SLC13A3: variants seen among roughly 807,000 people sequenced by gnomAD.
SLC13A3 encodes the protein solute carrier family 13 member 3.
Under a neutral mutation model 59.0 loss-of-function variants are expected in SLC13A3, and 40 were observed. That is an observed-to-expected ratio of 0.68 (90% CI 0.53 to 0.88). SLC13A3 has a LOEUF of 0.88. SLC13A3 is among the 40% of genes least tolerant of loss of function. The probability of loss-of-function intolerance (pLI) is 0.00; values close to 1 mark genes in which losing one functional copy is unlikely to be tolerated. For synonymous variants in SLC13A3, 317 were observed against 330.3 expected, an observed-to-expected ratio of 0.96 and a Z score of 0.44; for missense variants, 699 against 783.2, an observed-to-expected ratio of 0.89 and a Z score of 1.28.
At chr20:46,577,456 T>C (rs1299040400) in intron 9 of SLC13A3, among the ~76,000 whole-genome samples, 8 of 152,170 alleles carry the variant, frequency 5.3e-5, no homozygotes, top group Non-Finnish European at 8.8e-5. Context: ...GATGATAAAA[T>C]GTCGTTTCAT....
intron 1 of SLC13A3, among the ~76,000 whole-genome samples, chr20:46,678,419 C>T (rs1399987981): frequency 2.0e-5 from 3 of 152,154 alleles, no homozygotes; most frequent in African/African-American, 7.2e-5. Context: ...GCTTTGGAGA[C>T]GTTTACCTGT....
At chr20:46,623,885 T>C (rs1400416626) in intron 1 of SLC13A3, among the ~76,000 whole-genome samples, 3 of 152,218 alleles carry the variant, frequency 2.0e-5, no homozygotes, top group African/African-American at 7.2e-5. Flanking sequence ...AACTTGCCCA[T>C]AGCTGCTGAG....
chr20:46,679,701 C>T (rs551830972), intron 1 of SLC13A3, among the ~76,000 whole-genome samples: 157 of 151,988 alleles, frequency 1.0e-3, no homozygotes, highest in Middle Eastern at 3.4e-3. Context: ...TGAGGCGGGA[C>T]TTTGAGACCA....
chr20:46,648,936 C>T (rs1049809065), intron 1 of SLC13A3, among the ~76,000 whole-genome samples: 28 of 147,162 alleles, frequency 1.9e-4, no homozygotes, highest in East Asian at 7.8e-4. Flanking sequence ...CACACACACA[C>T]ACACATACAC....
At chr20:46,646,791 A>G (rs2062898663) in intron 1 of SLC13A3, among the ~76,000 whole-genome samples, 1 of 152,260 alleles carries the variant, frequency 6.6e-6, no homozygotes, top group Admixed American at 6.5e-5. Context: ...GTGGCCAGAA[A>G]ATAACTGGGA....
At chr20:46,608,776 C>T in intron 3 of SLC13A3, 1 of 1,331,228 alleles carries the variant, frequency 7.5e-7, no homozygotes, top group South Asian at 1.9e-5. Flanking sequence ...CACACAAAAC[C>T]TATGGTTTCA....
At chr20:46,635,472 C>T (rs1264398782) in intron 1 of SLC13A3, among the ~76,000 whole-genome samples, 2 of 152,220 alleles carry the variant, frequency 1.3e-5, no homozygotes, top group African/African-American at 2.4e-5. Context: ...TCACCTTCTT[C>T]AGGTCTTTGC....
intron 8 of SLC13A3, chr20:46,584,387 G>A: frequency 8.1e-6 from 8 of 985,388 alleles, no homozygotes; most frequent in Non-Finnish European, 9.6e-6. Context: ...ATTCAATAAG[G>A]AATTGGTTAA....
intron 12 of SLC13A3, among the ~76,000 whole-genome samples, 176 bp from the exon 13 acceptor site, chr20:46,560,374 C>A (rs1312774429): frequency 6.6e-6 from 1 of 152,168 alleles, no homozygotes; most frequent in Non-Finnish European, 1.5e-5. Context: ...TTTACACTAC[C>A]CTAGGCTGTC....
chr20:46,582,536 G>T, intron 9 of SLC13A3: 1 of 674,638 alleles, frequency 1.5e-6, no homozygotes, highest in Non-Finnish European at 1.8e-6. Flanking sequence ...CCAAGAGTTC[G>T]AGACTGCGCT....
intron 1 of SLC13A3, among the ~76,000 whole-genome samples, chr20:46,677,766 G>A (rs2063134853): frequency 6.6e-6 from 1 of 152,232 alleles, no homozygotes; most frequent in Admixed American, 6.5e-5. Flanking sequence ...AGAACAACGG[G>A]ACCAGCGTGA....
intron 1 of SLC13A3, among the ~76,000 whole-genome samples, chr20:46,630,527 C>T (rs998445922): frequency 6.6e-6 from 1 of 152,240 alleles, no homozygotes; most frequent in Non-Finnish European, 1.5e-5. Flanking sequence ...CTGCCATTGT[C>T]AGCTCTTCTT....
chr20:46,656,645 CTAT>C (rs1056223277), intron 1 of SLC13A3, among the ~76,000 whole-genome samples: 3 of 147,742 alleles, frequency 2.0e-5, no homozygotes, highest in Non-Finnish European at 4.5e-5. Flanking sequence ...TATATACTAC[CTAT>C]TATTATATAT....
intron 3 of SLC13A3, 104 bp from the exon 4 acceptor site, chr20:46,600,141 C>A (rs920372636): frequency 8.0e-6 from 4 of 497,726 alleles, no homozygotes; most frequent in African/African-American, 2.1e-5. Context: ...GCCAAGGATC[C>A]TATACTACTC....
chr20:46,601,676 T>C (rs755922076), intron 3 of SLC13A3, among the ~76,000 whole-genome samples: 2 of 152,182 alleles, frequency 1.3e-5, no homozygotes, highest in Non-Finnish European at 2.9e-5. Flanking sequence ...AGACACCTTC[T>C]TCAAGGCTCA....
intron 1 of SLC13A3, among the ~76,000 whole-genome samples, chr20:46,615,957 A>G (rs1277916634): frequency 6.6e-6 from 1 of 152,236 alleles, no homozygotes; most frequent in East Asian, 1.9e-4. Context: ...CAGGATACCT[A>G]AAATTTATTT....
chr20:46,599,328 C>T (rs1244554677), intron 4 of SLC13A3, among the ~76,000 whole-genome samples: 1 of 152,262 alleles, frequency 6.6e-6, no homozygotes, highest in Non-Finnish European at 1.5e-5. Flanking sequence ...TGTGTCATCA[C>T]TGTTAAATTG....
At chr20:46,629,380 T>C (rs947740323) in intron 1 of SLC13A3, among the ~76,000 whole-genome samples, 5 of 152,236 alleles carry the variant, frequency 3.3e-5, no homozygotes, top group Admixed American at 2.6e-4. Flanking sequence ...TTTGTCTTGG[T>C]GTTGATGAGT....
intron 8 of SLC13A3, among the ~76,000 whole-genome samples, chr20:46,586,863 G>A (rs1341416172): frequency 1.3e-5 from 2 of 152,206 alleles, no homozygotes; most frequent in African/African-American, 2.4e-5. Flanking sequence ...AGGCCACATG[G>A]TGTTTGTCTG....
Sources: allele counts gnomAD v4.1 joint callset (sites outside exome capture counted in the v4.1 genomes callset), GRCh38; gene constraint gnomAD v4.1.1; transcripts MANE v1.5; gene names NCBI Gene and HGNC (gene_info 2026-07-23, HGNC 2026-07-21).